The following TTC39B variants were observed in gnomAD, a reference collection of about 807,000 sequenced individuals.
TTC39B encodes the protein tetratricopeptide repeat protein 39B.
Under a neutral mutation model 96.6 loss-of-function variants are expected in TTC39B, and 92 were observed. The observed-to-expected ratio is 0.95, with a 90% CI of 0.80 to 1.13. TTC39B has a LOEUF of 1.13. Ranked by LOEUF, TTC39B falls within the 50% of genes most tolerant of loss-of-function variation. TTC39B has a pLI of 0.00. For synonymous variants in TTC39B, 367 were observed against 299.4 expected, an observed-to-expected ratio of 1.23 and a Z score of -2.33; for missense variants, 955 against 809.3, an observed-to-expected ratio of 1.18 and a Z score of -2.18.
intron 2 of TTC39B, among the ~76,000 whole-genome samples, chr9:15,235,049 A>AAT (rs1564375169): frequency 9.5e-5 from 13 of 136,572 alleles, no homozygotes; most frequent in African/African-American, 1.6e-4. Flanking sequence ...AAATAAAACA[A>AAT]AAACAAAACA....
intron 3 of TTC39B, among the ~76,000 whole-genome samples, chr9:15,219,804 T>C (rs1052729987): frequency 2.0e-5 from 3 of 152,074 alleles, no homozygotes; most frequent in Non-Finnish European, 4.4e-5. Context: ...GAAAAGTCTA[T>C]TCTCTCAGCG....
chr9:15,244,558 A>G (rs1461457133), intron 2 of TTC39B, among the ~76,000 whole-genome samples: 1 of 152,260 alleles, frequency 6.6e-6, no homozygotes. Flanking sequence ...AATGCAAGGG[A>G]ATGAAGTGGT....
Position 15,286,993 on chromosome 9 carries a change from C to G in TTC39B, c.241-19045G>C, listed in dbSNP as rs567388427. On this transcript the variant is annotated intron_variant, in intron 1 of 19. Transcript: ENST00000512701. Reference sequence around the variant, plus strand: ...GCTTATTATGAGAATTCTGTTTTGTCAAGGAATCTTAGAAGGCTAAGGAAT... The same window carrying G: ...GCTTATTATGAGAATTCTGTTTTGTGAAGGAATCTTAGAAGGCTAAGGAAT... Among the ~76,000 whole-genome samples the G allele has an allele frequency of 2.6e-4, 40 of 151,674 alleles. 2 individuals carry two copies. In the South Asian group the frequency reaches 7.9e-3, roughly 30 times the overall value.
intron 2 of TTC39B, among the ~76,000 whole-genome samples, chr9:15,232,028 A>T (rs1005393286): frequency 6.6e-6 from 1 of 151,998 alleles, no homozygotes. Context: ...TCACTGTGAT[A>T]CTCATGGGCA....
chr9:15,273,653 A>C (rs1233069004), intron 1 of TTC39B, among the ~76,000 whole-genome samples: 1 of 128,024 alleles, frequency 7.8e-6, no homozygotes, highest in East Asian at 1.9e-4. Context: ...TCCTCAATGA[A>C]GACCACAGGT....
chr9:15,288,712 G>A (rs943406956), intron 1 of TTC39B, among the ~76,000 whole-genome samples: 1 of 152,240 alleles, frequency 6.6e-6, no homozygotes, highest in Non-Finnish European at 1.5e-5. Context: ...CGGATGGCAA[G>A]GTTAAAAGAG....
intron 13 of TTC39B, among the ~76,000 whole-genome samples, chr9:15,189,336 G>A (rs1356451085): frequency 6.6e-6 from 1 of 152,020 alleles, no homozygotes; most frequent in Admixed American, 6.5e-5. Context: ...ACCCTAAAGT[G>A]CTTAATGTAC....
intron 1 of TTC39B, among the ~76,000 whole-genome samples, chr9:15,284,268 A>T (rs1823874061): frequency 6.6e-6 from 1 of 152,274 alleles, no homozygotes; most frequent in Non-Finnish European, 1.5e-5. Flanking sequence ...CAGTTGGCAG[A>T]GATGCCGGAA....
At chr9:15,219,992 G>A (rs960715147) in intron 3 of TTC39B, among the ~76,000 whole-genome samples, 2 of 152,146 alleles carry the variant, frequency 1.3e-5, no homozygotes, top group Non-Finnish European at 2.9e-5. Flanking sequence ...GAATAACGAA[G>A]CTGAGAATTT....
intron 1 of TTC39B, among the ~76,000 whole-genome samples, chr9:15,305,809 C>A (rs1021460618): frequency 6.6e-6 from 1 of 151,486 alleles, no homozygotes; most frequent in Non-Finnish European, 1.5e-5. Flanking sequence ...AATAGCACCG[C>A]CTCAACAATG....
exon 5 of TTC39B, chr9:15,211,331 G>A (rs1312298095): frequency 2.5e-6 from 4 of 1,596,900 alleles, no homozygotes; most frequent in Non-Finnish European, 2.6e-6. Context: ...GTTGCTCGAA[G>A]GTCAGGACAG....
intron 2 of TTC39B, among the ~76,000 whole-genome samples, chr9:15,255,117 A>G (rs1028733884): frequency 6.6e-6 from 1 of 152,100 alleles, no homozygotes; most frequent in Non-Finnish European, 1.5e-5. Flanking sequence ...GAATATTTTC[A>G]TTCTAGACAA....
At chr9:15,290,330 G>A (rs536105557) in intron 1 of TTC39B, among the ~76,000 whole-genome samples, 2 of 152,242 alleles carry the variant, frequency 1.3e-5, no homozygotes, top group South Asian at 2.1e-4. Context: ...CTTGGGAACT[G>A]AGTCACACAA....
chr9:15,214,298 G>T (rs763151701), intron 3 of TTC39B, 49 bp from the exon 4 acceptor site: 4 of 1,420,182 alleles, frequency 2.8e-6, no homozygotes, highest in South Asian at 1.2e-5. Context: ...TTTACGATCA[G>T]CAAGTTGTCC....
intron 6 of TTC39B, among the ~76,000 whole-genome samples, chr9:15,205,834 C>T (rs601351): frequency 6.6e-5 from 10 of 151,756 alleles, no homozygotes; most frequent in South Asian, 4.2e-4. Flanking sequence ...GTGGGGGAGC[C>T]GGGGCGGAGG....
intron 2 of TTC39B, among the ~76,000 whole-genome samples, chr9:15,229,667 T>C (rs993629081): frequency 6.6e-6 from 1 of 152,252 alleles, no homozygotes; most frequent in Non-Finnish European, 1.5e-5. Flanking sequence ...TGGATTATTC[T>C]GCAATCTCTT....
chr9:15,290,610 T>C (rs1348976941), intron 1 of TTC39B, among the ~76,000 whole-genome samples: 4 of 152,268 alleles, frequency 2.6e-5, no homozygotes, highest in Non-Finnish European at 5.9e-5. Context: ...ACTCTATGTT[T>C]ACTTTGTTTT....
At chr9:15,251,143 C>A (rs1483876245) in intron 2 of TTC39B, among the ~76,000 whole-genome samples, 1 of 151,916 alleles carries the variant, frequency 6.6e-6, no homozygotes, top group East Asian at 1.9e-4. Context: ...TTGCAGTGAG[C>A]CAAGATTGCG....
intron 1 of TTC39B, among the ~76,000 whole-genome samples, chr9:15,270,698 T>C (rs1031551350): frequency 2.0e-5 from 3 of 151,978 alleles, no homozygotes; most frequent in Non-Finnish European, 4.4e-5. Context: ...AAGGATGGCT[T>C]GAGTTCAGCA....
Sources: gnomAD v4.1 joint callset for allele counts (sites outside exome capture counted in the v4.1 genomes callset) on GRCh38, gnomAD v4.1.1 for gene constraint, MANE v1.5 for transcripts, NCBI Gene and HGNC (gene_info 2026-07-23, HGNC 2026-07-21) for gene names.